CACNA1C: variants seen among roughly 807,000 people sequenced by gnomAD.
The protein encoded by CACNA1C is voltage-dependent L-type calcium channel subunit alpha-1C.
Under a neutral mutation model 229.0 loss-of-function variants are expected in CACNA1C, and 30 were observed. That is an observed-to-expected ratio of 0.13 (90% CI 0.10 to 0.18). CACNA1C has a LOEUF of 0.18. Among genes scored for constraint, CACNA1C ranks in the 10% least tolerant of loss-of-function variants. CACNA1C has a pLI of 1.00. For missense variants in CACNA1C, 1,658 were observed against 2,845.0 expected, an observed-to-expected ratio of 0.58 and a Z score of 9.49; for synonymous variants, 1,114 against 1,132.5, an observed-to-expected ratio of 0.98 and a Z score of 0.33.
intron 3 of CACNA1C, among the ~76,000 whole-genome samples, chr12:2,445,009 G>A (rs889423123): frequency 6.6e-6 from 1 of 152,132 alleles, no homozygotes; most frequent in Admixed American, 6.6e-5. Context: ...AAAGTTCCTG[G>A]TCATCTTGCT....
chr12:2,140,037 G>A (rs538541709), intron 3 of CACNA1C, among the ~76,000 whole-genome samples: 6 of 151,440 alleles, frequency 4.0e-5, no homozygotes, highest in African/African-American at 9.6e-5. Context: ...GTGGACCAGC[G>A]GTGACCCAGG....
intron 2 of CACNA1C, among the ~76,000 whole-genome samples, chr12:2,119,756 C>T (rs115170989): frequency 0.013 from 1,933 of 152,332 alleles, 48 homozygotes; most frequent in African/African-American, 0.044. Flanking sequence ...CTGCCGTACT[C>T]TTGGGGGTCT....
At chr12:2,516,600 C>T (rs1183413796) in intron 9 of CACNA1C, among the ~76,000 whole-genome samples, 2 of 151,986 alleles carry the variant, frequency 1.3e-5, no homozygotes, top group Admixed American at 6.6e-5. Flanking sequence ...CATTTGCAGA[C>T]GCGTCAGATA....
chr12:2,327,771 C>T (rs961213751), intron 3 of CACNA1C, among the ~76,000 whole-genome samples: 5 of 152,130 alleles, frequency 3.3e-5, no homozygotes, highest in South Asian at 2.1e-4. Context: ...AAAAGCAAAA[C>T]GAAAATTCAG....
intron 29 of CACNA1C, chr12:2,614,656 A>G (rs2079555369): frequency 2.0e-5 from 3 of 152,056 alleles, no homozygotes; most frequent in Admixed American, 1.3e-4. Flanking sequence ...TTTTTATTTC[A>G]CTGGCATGGT....
intron 3 of CACNA1C, among the ~76,000 whole-genome samples, chr12:2,290,961 A>T (rs981533758): frequency 5.7e-4 from 86 of 152,158 alleles, no homozygotes; most frequent in Admixed American, 2.6e-3. Context: ...CTTCAAAGTG[A>T]TATCAGGGGG....
intron 3 of CACNA1C, among the ~76,000 whole-genome samples, chr12:2,128,473 C>T (rs1056527289): frequency 1.8e-4 from 28 of 152,060 alleles, no homozygotes; most frequent in African/African-American, 5.3e-4. Flanking sequence ...TGCAGTGGCG[C>T]GATCTCGGCT....
chr12:2,319,534 G>A lies in CACNA1C; in HGVS notation c.478-129442G>A, dbSNP rs954382540. Reference sequence around the variant, plus strand: ...ACCCCCAGCAGCCAGCGGGTGGGTTGGATTCCAGGGTCTCCACTCAGGGGC... The same window carrying A: ...ACCCCCAGCAGCCAGCGGGTGGGTTAGATTCCAGGGTCTCCACTCAGGGGC... On this transcript the variant is annotated intron_variant, in intron 3 of 46. Coordinates refer to ENST00000399655, the MANE Select transcript of CACNA1C (RefSeq NM_000719.7). This position sits in a 1 kb window ranked among gnomAD's most constrained non-coding sequence, Gnocchi z 4.0. Among the ~76,000 whole-genome samples, 1 of 152,174 alleles carries A rather than the reference G, an allele frequency of 6.6e-6. No individual in the cohort carries two copies. Among genetic ancestry groups the A allele is most frequent in the African/African-American group, 2.4e-5 (1 of 41,430 alleles).
chr12:2,682,561 G>T lies in CACNA1C; in HGVS notation c.5456G>T (p.Arg1819Leu), dbSNP rs764212214. ...WKLSSNRCHS[R>L]ESQAAMAGQE... ...CTTGGATATTGTAGGTGCCACTCCCGGGAGAGCCAGGCAGCCATGGCGGGT... is the reference window on the plus strand; with the variant it reads ...CTTGGATATTGTAGGTGCCACTCCCTGGAGAGCCAGGCAGCCATGGCGGGT... Residue 1819 changes from arginine to leucine, a missense_variant, in exon 43 of 47, where the codon CGG becomes CTG. This residue lies in a region of CACNA1C where 590 missense variants were observed against 700.8 expected (regional missense o/e 0.84). Transcript: ENST00000399655. 1 of 1,612,042 alleles carries T rather than the reference G, an allele frequency of 6.2e-7. No individual in the cohort carries two copies. The highest frequency in any genetic ancestry group is 8.5e-7 in the Non-Finnish European group (1 of 1,179,336).
Position 2,275,523 on chromosome 12 carries a change from G to A in CACNA1C, c.477+155093G>A, listed in dbSNP as rs1052316017. On this transcript the variant is annotated intron_variant, in intron 3 of 46. Transcript: ENST00000399655. The surrounding 1 kb of genome is among the most constrained non-coding windows in gnomAD (Gnocchi z 4.1). ...GCCTCCGTCCACTGTCCCCCAGCTC[G>A]CAACCCCCACGCAGCCCCACCCTTG... Among the ~76,000 whole-genome samples, 18 of 151,348 alleles carry A rather than the reference G, an allele frequency of 1.2e-4. No individual in the cohort carries two copies. Among genetic ancestry groups the A allele is most frequent in the African/African-American group, 3.9e-4 (16 of 41,132 alleles).
chr12:2,473,210 C>T (rs1175922096), intron 5 of CACNA1C, among the ~76,000 whole-genome samples: 2 of 152,182 alleles, frequency 1.3e-5, no homozygotes, highest in Non-Finnish European at 2.9e-5. Context: ...TGATATGCCT[C>T]ATTGGTTTCA....
At position 2,293,527 on chromosome 12, in the gene CACNA1C, A is replaced by C. The variant is rs997425818; in HGVS notation, c.478-155449A>C. Among the ~76,000 whole-genome samples, 6 of 152,230 alleles carry C rather than the reference A, an allele frequency of 3.9e-5. No homozygotes were observed. The East Asian group carries it at 7.7e-4, about 20-fold the overall frequency. ...GATGGCTTTGAATGTGGCCCAACAC[A>C]AATGCATAAACTTTCATAAAACAGT... On this transcript the variant is annotated intron_variant, in intron 3 of 46. Transcript: ENST00000399655.
At chr12:2,241,452 G>C (rs1320843405) in intron 3 of CACNA1C, among the ~76,000 whole-genome samples, 6 of 152,166 alleles carry the variant, frequency 3.9e-5, no homozygotes, top group Non-Finnish European at 7.4e-5. Context: ...AAGCAGAGGA[G>C]AGCACGCGTG....
intron 2 of CACNA1C, among the ~76,000 whole-genome samples, chr12:2,119,392 G>A (rs1426151380): frequency 6.6e-6 from 1 of 152,174 alleles, no homozygotes; most frequent in African/African-American, 2.4e-5. Context: ...GAGCATAGAC[G>A]GGCCCTTCCT....
intron 3 of CACNA1C, among the ~76,000 whole-genome samples, chr12:2,411,157 C>G (rs2098803205): frequency 6.6e-6 from 1 of 152,178 alleles, no homozygotes. Flanking sequence ...CTCCCCACCT[C>G]CTGAGCCCTG....
chr12:2,124,750 C>T (rs1195954475), intron 3 of CACNA1C, among the ~76,000 whole-genome samples: 1 of 152,010 alleles, frequency 6.6e-6, no homozygotes, highest in Non-Finnish European at 1.5e-5. Context: ...AGCTGGCTCC[C>T]AGGATGGTGA....
intron 3 of CACNA1C, among the ~76,000 whole-genome samples, chr12:2,413,619 C>T (rs2154554137): frequency 6.6e-6 from 1 of 152,228 alleles, no homozygotes; most frequent in East Asian, 1.9e-4. Context: ...TTTGAGGTTT[C>T]ACAGCCCCTC....
intron 3 of CACNA1C, among the ~76,000 whole-genome samples, chr12:2,255,291 G>C (rs1175480719): frequency 6.6e-6 from 1 of 151,084 alleles, no homozygotes; most frequent in Non-Finnish European, 1.5e-5. Flanking sequence ...AAAAAACCTA[G>C]TTACTAGGAA....
At chr12:2,441,125 T>C (rs1181090515) in intron 3 of CACNA1C, among the ~76,000 whole-genome samples, 1 of 152,218 alleles carries the variant, frequency 6.6e-6, no homozygotes, top group Non-Finnish European at 1.5e-5. Context: ...TGGAATTGCA[T>C]AACTGGGCTT....
Sources: allele counts gnomAD v4.1 joint callset (sites outside exome capture counted in the v4.1 genomes callset), GRCh38; gene constraint gnomAD v4.1.1; regional missense constraint gnomAD v4.1.1; non-coding constraint Gnocchi (gnomAD v3.1); transcripts MANE v1.5; gene names NCBI Gene and HGNC (gene_info 2026-07-23, HGNC 2026-07-21).